The following DMD variants were observed in gnomAD, a reference collection of about 807,000 sequenced individuals.
DMD encodes dystrophin.
A neutral mutation model predicts 330.1 loss-of-function variants in DMD; 63 were observed. The ratio of observed to expected loss-of-function variants is 0.19; its 90% confidence interval spans 0.16 to 0.24. The LOEUF is 0.24. Ranked by LOEUF, DMD falls within the 10% of genes least tolerant of loss-of-function variation. The pLI is 1.00. For missense variants in DMD, 3,344 were observed against 2,684.1 expected (o/e 1.25, Z -5.43); for synonymous variants, 1,223 against 959.8 (o/e 1.27, Z -5.07).
chrX:32,479,505 A>T (rs989162433), intron 21 of DMD, among the ~76,000 whole-genome samples: 18 of 108,564 alleles, frequency 1.7e-4, no homozygotes, highest in South Asian at 7.9e-4. Context: ...TTTTTTTTGG[A>T]TTTCTCATAT....
chrX:32,161,613 G>GTTT (rs1315807240), intron 44 of DMD, among the ~76,000 whole-genome samples: 4 of 111,703 alleles, frequency 3.6e-5, no homozygotes, highest in African/African-American at 1.3e-4. Flanking sequence ...TCCCTTCTGG[G>GTTT]TTACTAAGAC....
At chrX:33,177,082 T>C (rs779546285) in intron 1 of DMD, among the ~76,000 whole-genome samples, 3 of 112,057 alleles carry the variant, frequency 2.7e-5, no homozygotes, top group Non-Finnish European at 5.6e-5. Context: ...GGAGGGCAAA[T>C]TGCATCCCAG....
chrX:33,293,273 A>G (rs1002585379), intron 1 of DMD, among the ~76,000 whole-genome samples: 1 of 111,667 alleles, frequency 9.0e-6, no homozygotes, highest in African/African-American at 3.3e-5. Flanking sequence ...GAACTGAGCT[A>G]CAAGTGACAG....
At chrX:31,845,641 G>A (rs776038755) in intron 48 of DMD, among the ~76,000 whole-genome samples, 1 of 110,569 alleles carries the variant, frequency 9.0e-6, no homozygotes, top group South Asian at 3.8e-4. Flanking sequence ...AACAGGAGCA[G>A]CACGGATGTT....
intron 11 of DMD, among the ~76,000 whole-genome samples, chrX:32,643,818 C>T (rs990933075): frequency 1.8e-5 from 2 of 111,624 alleles, no homozygotes; most frequent in Non-Finnish European, 3.8e-5. Context: ...CCTGTGCATG[C>T]TTCTGTGCCT....
chrX:32,392,010 G>C (rs1204990186), intron 30 of DMD, among the ~76,000 whole-genome samples: 1 of 111,830 alleles, frequency 8.9e-6, no homozygotes, highest in Non-Finnish European at 1.9e-5. Context: ...CTTGTGTTAA[G>C]AGAGAATCAT....
chrX:33,221,609 A>T (rs1301850312), intron 1 of DMD, among the ~76,000 whole-genome samples: 1 of 111,229 alleles, frequency 9.0e-6, no homozygotes, highest in Non-Finnish European at 1.9e-5. Flanking sequence ...GGTCAATAAA[A>T]TTGACAATGT....
At chrX:31,819,896 T>C (rs2092715736) in intron 50 of DMD, 79 bp downstream of exon 50, 7 of 806,064 alleles carry the variant, frequency 8.7e-6, no homozygotes, top group Non-Finnish European at 1.3e-5. Context: ...AAATTTTCTC[T>C]CTCACCCAGT....
intron 43 of DMD, among the ~76,000 whole-genome samples, chrX:32,218,830 GTT>G (rs2097122889): frequency 8.9e-6 from 1 of 111,770 alleles, no homozygotes; most frequent in Admixed American, 9.5e-5. Context: ...AATATCTCTT[GTT>G]TCAATGGCAC....
At chrX:31,480,805 A>G (rs1603230043) in intron 57 of DMD, among the ~76,000 whole-genome samples, 1 of 111,483 alleles carries the variant, frequency 9.0e-6, no homozygotes, top group East Asian at 2.8e-4. Flanking sequence ...GTTGAATGCA[A>G]AACAGCCCTT....
intron 44 of DMD, among the ~76,000 whole-genome samples, chrX:32,216,509 C>T (rs762738987): frequency 5.4e-5 from 6 of 111,767 alleles, no homozygotes; most frequent in Non-Finnish European, 7.5e-5. Flanking sequence ...GAAAACAGAA[C>T]TGTAATTTTA....
intron 66 of DMD, among the ~76,000 whole-genome samples, chrX:31,205,602 C>T (rs1423061229): frequency 4.4e-5 from 5 of 112,456 alleles, no homozygotes; most frequent in Non-Finnish European, 7.5e-5. Context: ...GGTATCCCAT[C>T]TCATCCGAAA....
chrX:32,097,923 A>G (rs1031184360), intron 44 of DMD, among the ~76,000 whole-genome samples: 1 of 111,655 alleles, frequency 9.0e-6, no homozygotes, highest in Non-Finnish European at 1.9e-5. Flanking sequence ...TAAAGTCAAT[A>G]TGAAAGTCAG....
intron 45 of DMD, among the ~76,000 whole-genome samples, chrX:31,937,395 CT>C (rs1188932018): frequency 9.0e-6 from 1 of 111,496 alleles, no homozygotes; most frequent in Non-Finnish European, 1.9e-5. Flanking sequence ...TTTTTGCTGT[CT>C]TTCTTTTTAC....
chrX:32,838,817 A>C (rs1188986048), intron 4 of DMD, among the ~76,000 whole-genome samples: 1 of 112,030 alleles, frequency 8.9e-6, no homozygotes, highest in East Asian at 2.8e-4. Context: ...ATGCTTTTAC[A>C]CTGTTGGTGG....
chrX:32,873,876 A>G (rs1284763308), intron 2 of DMD, among the ~76,000 whole-genome samples: 2 of 112,400 alleles, frequency 1.8e-5, no homozygotes, highest in African/African-American at 6.5e-5. Context: ...CAAGACCAAG[A>G]ACAGGAACCT....
chrX:31,220,732 A>G (rs1410773980), intron 64 of DMD, among the ~76,000 whole-genome samples: 1 of 110,626 alleles, frequency 9.0e-6, no homozygotes, highest in Non-Finnish European at 1.9e-5. Context: ...CTTACCAGAC[A>G]AGTCCCACAT....
chrX:33,300,524 C>G (rs1022803129), intron 1 of DMD, among the ~76,000 whole-genome samples: 2 of 111,687 alleles, frequency 1.8e-5, no homozygotes, highest in African/African-American at 6.5e-5. Flanking sequence ...TTGTTTGTGT[C>G]TTCTCAAACT....
Position 32,699,199 on chromosome X carries a change from G to A in DMD, c.744C>T (p.Ile248=). 1 of 1,209,053 alleles carries A rather than the reference G, an allele frequency of 8.3e-7. No homozygotes were observed. Among genetic ancestry groups the A allele is most frequent in the Non-Finnish European group, 1.1e-6 (1 of 893,346 alleles). Residue 248 remains isoleucine, a synonymous_variant, in exon 8 of 79, where the codon ATC becomes ATT. Coordinates refer to ENST00000357033, the MANE Select transcript of DMD (RefSeq NM_004006.3). ...VLPQQVSIEA[I]QEVEMLPRPP... is the part of the protein sequence containing the mutation. ...GCCTTGGCAACATTTCCACTTCCTG[G>A]ATGGCTTCAATGCTCACTTGTTGAG...
Sources: allele counts gnomAD v4.1 joint callset (sites outside exome capture counted in the v4.1 genomes callset), GRCh38; gene constraint gnomAD v4.1.1; transcripts MANE v1.5; gene names NCBI Gene and HGNC (gene_info 2026-07-23, HGNC 2026-07-21).